The following FAT3 variants were observed in gnomAD, a reference collection of about 807,000 sequenced individuals.
FAT3 encodes FAT atypical cadherin 3.
A neutral mutation model predicts 310.2 loss-of-function variants in FAT3; 95 were observed. The ratio of observed to expected loss-of-function variants is 0.31; its 90% CI spans 0.26 to 0.36. FAT3 has a LOEUF of 0.36. FAT3 is among the 10% of genes least tolerant of loss of function. FAT3 has a pLI of 1.00. For synonymous variants in FAT3, 2,314 were observed against 2,192.9 expected, an observed-to-expected ratio of 1.06 and a Z score of -1.54; for missense variants, 5,408 against 5,715.6, an observed-to-expected ratio of 0.95 and a Z score of 1.74.
intron 14 of FAT3, among the ~76,000 whole-genome samples, chr11:92,832,327 CTG>C (rs1948285242): frequency 6.6e-6 from 1 of 151,976 alleles, no homozygotes; most frequent in South Asian, 2.1e-4. Context: ...CAGGGGAAGA[CTG>C]TGTCCAAAAA....
chr11:92,463,727 C>G (rs548916870), intron 2 of FAT3, among the ~76,000 whole-genome samples: 1 of 152,248 alleles, frequency 6.6e-6, no homozygotes, highest in South Asian at 2.1e-4. Flanking sequence ...AGGTTATTTA[C>G]ACTGGTAGTC....
Position 92,891,325 on chromosome 11 carries a change from G to A in FAT3, c.*212G>A. 2 of 661,314 alleles carry A rather than the reference G, an allele frequency of 3.0e-6. No homozygotes were observed. Among genetic ancestry groups the A allele is most frequent in the East Asian group, 5.8e-5 (2 of 34,532 alleles). The allele number at this position is 661,314 out of a possible 1,614,324, so 41.0% of individuals were successfully genotyped here. A position where few individuals can be genotyped will look rare whatever the true frequency, so the allele number is the denominator to read the frequency against. ...GGCTCAGAAATTGTTTTTGAGAGGTGACTGGTAATCCTTGATGTAGGTACC... is the reference window on the plus strand; with the variant it reads ...GGCTCAGAAATTGTTTTTGAGAGGTAACTGGTAATCCTTGATGTAGGTACC... On this transcript the variant is annotated 3_prime_UTR_variant, in exon 28 of 28. Coordinates refer to ENST00000525166, the MANE Select transcript of FAT3 (RefSeq NM_001367949.2).
chr11:92,792,409 C>A (rs1224817261), intron 8 of FAT3, among the ~76,000 whole-genome samples: 1 of 152,142 alleles, frequency 6.6e-6, no homozygotes, highest in Non-Finnish European at 1.5e-5. Flanking sequence ...AGCCTCTACC[C>A]ACTATTCTGT....
intron 2 of FAT3, among the ~76,000 whole-genome samples, chr11:92,383,437 G>C (rs987807294): frequency 1.3e-5 from 2 of 152,210 alleles, no homozygotes; most frequent in Non-Finnish European, 2.9e-5. Flanking sequence ...AAGAACCACT[G>C]TTCTAGCCCC....
At chr11:92,552,127 A>T (rs1237624828) in intron 3 of FAT3, among the ~76,000 whole-genome samples, 2 of 152,214 alleles carry the variant, frequency 1.3e-5, no homozygotes, top group East Asian at 3.8e-4. Context: ...CTAACATTAC[A>T]AATTGCCCAT....
intron 3 of FAT3, among the ~76,000 whole-genome samples, chr11:92,564,087 C>T (rs1319814826): frequency 6.6e-6 from 1 of 152,166 alleles, no homozygotes; most frequent in Non-Finnish European, 1.5e-5. Context: ...AAGACACAGA[C>T]TGGCAAGTTG....
Position 92,800,452 on chromosome 11 carries a change from C to T in FAT3, c.7439C>T (p.Ala2480Val). 1 of 1,613,992 alleles carries T rather than the reference C, an allele frequency of 6.2e-7. No individual in the cohort carries two copies. The highest frequency in any genetic ancestry group is 8.5e-7 in the Non-Finnish European group (1 of 1,179,878). ...SVSDGLFTST[A>V]QVHIRVLGAN... ...TCTGATGGGTTGTTCACCAGCACTG[C>T]ACAGGTGCATATTAGGGTACTTGGG... The change falls in exon 10 of 28, where the codon GCA becomes GTA. Residue 2480 changes from alanine to valine, a missense_variant. Physicochemically the swap from Ala to Val is moderately conservative, Grantham distance 64 (BLOSUM62 0). Transcript: ENST00000525166.
intron 3 of FAT3, among the ~76,000 whole-genome samples, chr11:92,548,601 C>T (rs1438336137): frequency 6.6e-6 from 1 of 152,174 alleles, no homozygotes; most frequent in African/African-American, 2.4e-5. Context: ...ATTTTCAAAG[C>T]ATTTTGTAAT....
At chr11:92,481,918 TA>T (rs1392159561) in intron 2 of FAT3, among the ~76,000 whole-genome samples, 1 of 152,182 alleles carries the variant, frequency 6.6e-6, no homozygotes, top group Non-Finnish European at 1.5e-5. Flanking sequence ...AAAGCACACA[TA>T]AAGTATAATT....
chr11:92,597,420 G>A (rs1244313308), intron 3 of FAT3, among the ~76,000 whole-genome samples: 8 of 152,176 alleles, frequency 5.3e-5, no homozygotes, highest in Non-Finnish European at 7.3e-5. Flanking sequence ...GGACAGTCAC[G>A]ATGTAAACTT....
At chr11:92,657,522 G>A (rs575915249) in intron 3 of FAT3, among the ~76,000 whole-genome samples, 2 of 152,292 alleles carry the variant, frequency 1.3e-5, no homozygotes, top group African/African-American at 4.8e-5. Flanking sequence ...TGCCTTCGAT[G>A]GGCACTGTGA....
Position 92,850,861 on chromosome 11 carries a change from G to A in FAT3, c.11365+6129G>A, listed in dbSNP as rs533240860. Among the ~76,000 whole-genome samples, 39 of 152,300 alleles carry A rather than the reference G, an allele frequency of 2.6e-4. No homozygotes were observed. In the East Asian group the frequency reaches 5.6e-3, roughly 22 times the overall value. On this transcript the variant is annotated intron_variant, in intron 19 of 27. Coordinates refer to ENST00000525166, the MANE Select transcript of FAT3 (RefSeq NM_001367949.2). ...GCGAAACCTTATAAAACTTCCAGAGGATCACCCTTCTCCTCCCTGCATGTT... is the reference window on the plus strand; with the variant it reads ...GCGAAACCTTATAAAACTTCCAGAGAATCACCCTTCTCCTCCCTGCATGTT...
At chr11:92,817,840 G>A (rs925533146) in intron 13 of FAT3, among the ~76,000 whole-genome samples, 1 of 152,186 alleles carries the variant, frequency 6.6e-6, no homozygotes, top group Non-Finnish European at 1.5e-5. Flanking sequence ...TGGTTTTCCT[G>A]CCTCTTCTGA....
At chr11:92,421,995 C>G (rs1424070328) in intron 2 of FAT3, among the ~76,000 whole-genome samples, 1 of 152,218 alleles carries the variant, frequency 6.6e-6, no homozygotes, top group East Asian at 1.9e-4. Context: ...GCAGGTCTGA[C>G]TGGCATTACA....
chr11:92,647,320 A>G (rs1218033301), intron 3 of FAT3, among the ~76,000 whole-genome samples: 2 of 152,152 alleles, frequency 1.3e-5, no homozygotes, highest in African/African-American at 4.8e-5. Context: ...GGATTCATAT[A>G]CAGGAGGATG....
intron 3 of FAT3, among the ~76,000 whole-genome samples, chr11:92,639,299 A>G (rs1441975548): frequency 6.6e-6 from 1 of 152,176 alleles, no homozygotes; most frequent in Non-Finnish European, 1.5e-5. Flanking sequence ...GCTGTCTGCC[A>G]TCTTTTTTAT....
intron 1 of FAT3, among the ~76,000 whole-genome samples, chr11:92,315,510 TATAG>T (rs1301186970): frequency 0.01 from 797 of 77,992 alleles, 1 homozygote; most frequent in Admixed American, 0.014. Context: ...TATATATATA[TATAG>T]AGAGAGAGAG....
intron 1 of FAT3, among the ~76,000 whole-genome samples, chr11:92,304,552 G>A (rs778557793): frequency 1.3e-5 from 2 of 151,964 alleles, no homozygotes; most frequent in East Asian, 3.9e-4. Context: ...GACAAATTTC[G>A]GTCTAATAGC....
chr11:92,714,530 A>G lies in FAT3; in HGVS notation c.3669+17085A>G, dbSNP rs1490672662. ...AAAGGAAAAAAAAAATTTGAAAACT[A>G]TGATGATTAAACAGTTCTGACCAAC... On this transcript the variant is annotated intron_variant, in intron 4 of 27. Coordinates refer to ENST00000525166, the MANE Select transcript of FAT3 (RefSeq NM_001367949.2). Among the ~76,000 whole-genome samples, 9 of 152,204 alleles carry G rather than the reference A, an allele frequency of 5.9e-5. No individual in the cohort carries two copies. The East Asian group carries it at 1.7e-3, about 29-fold the overall frequency.
Sources: gnomAD v4.1 joint callset for allele counts (sites outside exome capture counted in the v4.1 genomes callset) on GRCh38, gnomAD v4.1.1 for gene constraint, MANE v1.5 for transcripts, NCBI Gene and HGNC (gene_info 2026-07-23, HGNC 2026-07-21) for gene names.